APLF: variants seen among roughly 807,000 people sequenced by gnomAD.
APLF encodes the protein aprataxin and PNKP like factor.
APLF carries 61 observed loss-of-function variants against 55.6 expected under a neutral mutation model. That is an observed-to-expected ratio of 1.10 (90% CI 0.89 to 1.36). APLF has a LOEUF of 1.36. Ranked by LOEUF, APLF falls within the 40% of genes most tolerant of loss-of-function variation. APLF has a pLI of 0.00. For synonymous variants in APLF, 207 were observed against 214.8 expected, an observed-to-expected ratio of 0.96 and a Z score of 0.32; for missense variants, 611 against 602.5, an observed-to-expected ratio of 1.01 and a Z score of -0.15.
chr2:68,564,808 C>A (rs1373532862), intron 8 of APLF, among the ~76,000 whole-genome samples: 1 of 152,014 alleles, frequency 6.6e-6, no homozygotes. Context: ...TTGAGAGTCA[C>A]TTCATAAGAA....
At chr2:68,553,110 T>C (rs533150723) in intron 8 of APLF, among the ~76,000 whole-genome samples, 1 of 152,256 alleles carries the variant, frequency 6.6e-6, no homozygotes, top group East Asian at 1.9e-4. Flanking sequence ...AATTTCTCCA[T>C]GGCATTGCCT....
At chr2:68,484,537 A>G (rs1204204491) in intron 1 of APLF, among the ~76,000 whole-genome samples, 1 of 152,010 alleles carries the variant, frequency 6.6e-6, no homozygotes, top group Admixed American at 6.6e-5. Context: ...ACATGTAAAA[A>G]AAAAATTAGC....
At chr2:68,530,024 A>G (rs1484628840) in intron 6 of APLF, among the ~76,000 whole-genome samples, 1 of 152,130 alleles carries the variant, frequency 6.6e-6, no homozygotes, top group African/African-American at 2.4e-5. Context: ...GCAGGTTTCC[A>G]AAGAGAGGAC....
At chr2:68,489,609 T>A (rs1676292514) in intron 1 of APLF, among the ~76,000 whole-genome samples, 1 of 152,214 alleles carries the variant, frequency 6.6e-6, no homozygotes, top group Non-Finnish European at 1.5e-5. Flanking sequence ...ATTTATTTCT[T>A]ACTGAAAATG....
Position 68,534,150 on chromosome 2 carries a change from C to G in APLF, c.805-3722C>G, listed in dbSNP as rs1191621606. Among the ~76,000 whole-genome samples, 3 of 152,160 alleles carry G rather than the reference C, an allele frequency of 2.0e-5. No individual in the cohort carries two copies. In the East Asian group the frequency reaches 5.8e-4, roughly 29 times the overall value. ...GAGGGCAAGAAGGAGTAAAAAGCTTCTAAATTTCTGGCTAGCATGAATAGA... is the reference window on the plus strand; with the variant it reads ...GAGGGCAAGAAGGAGTAAAAAGCTTGTAAATTTCTGGCTAGCATGAATAGA... On this transcript the variant is annotated intron_variant, in intron 6 of 9. Coordinates refer to ENST00000303795, the MANE Select transcript of APLF (RefSeq NM_173545.3).
chr2:68,496,090 G>GT (rs1676538283), intron 2 of APLF, among the ~76,000 whole-genome samples: 3 of 151,980 alleles, frequency 2.0e-5, no homozygotes, highest in Admixed American at 1.3e-4. Flanking sequence ...ATTAGAACTT[G>GT]TTTTTTTGTT....
intron 2 of APLF, among the ~76,000 whole-genome samples, chr2:68,497,409 G>A (rs908361395): frequency 2.6e-5 from 4 of 151,846 alleles, no homozygotes; most frequent in Non-Finnish European, 4.4e-5. Context: ...GAGTTCTCAC[G>A]ACATCTGGTT....
intron 8 of APLF, among the ~76,000 whole-genome samples, chr2:68,545,985 A>G (rs539586790): frequency 2.3e-4 from 35 of 152,242 alleles, no homozygotes; most frequent in African/African-American, 6.7e-4. Context: ...TTAATTCCAG[A>G]CAGCCATCTT....
At chr2:68,491,006 T>C (rs941566221) in intron 2 of APLF, among the ~76,000 whole-genome samples, 1 of 152,214 alleles carries the variant, frequency 6.6e-6, no homozygotes, top group Non-Finnish European at 1.5e-5. Context: ...AATCATTAGT[T>C]CTTTCTTTTA....
chr2:68,576,882 G>C (rs1266492917), intron 9 of APLF, among the ~76,000 whole-genome samples: 2 of 152,132 alleles, frequency 1.3e-5, no homozygotes, highest in Non-Finnish European at 1.5e-5. Context: ...CTGCCATTCA[G>C]ATTTCTAGAT....
Position 68,577,700 on chromosome 2 carries a change from G to A in APLF, c.1334-120G>A, listed in dbSNP as rs945437710. 3 of 1,192,694 alleles carry A rather than the reference G, an allele frequency of 2.5e-6. No individual in the cohort carries two copies. In the South Asian group the frequency reaches 5.3e-5, roughly 21 times the overall value. 73.9% of individuals were successfully genotyped at this position (1,192,694 alleles called of 1,614,324 possible). ...GTGCCGTTTCCAGAAATTTGTAGTG[G>A]TAAGCTATGCATTAATAAAATTAAT... is the stretch of plus-strand genomic sequence containing the variant. On this transcript the variant is annotated intron_variant, in intron 9 of 9. Coordinates refer to ENST00000303795, the MANE Select transcript of APLF (RefSeq NM_173545.3).
rs753994581 is a variant in APLF at position 68,567,359 on chromosome 2, G to A, written c.1305G>A (p.Lys435=). The change falls in exon 9 of 10, where the codon AAG becomes AAA. Residue 435 remains lysine (K), a synonymous_variant. Coordinates refer to ENST00000303795, the MANE Select transcript of APLF (RefSeq NM_173545.3). Reference sequence around the variant, plus strand: ...CTTTCAGGAAGAATCCCCAGCACAAGATAGAATATAGACATAATACGCTTC... The same window carrying A: ...CTTTCAGGAAGAATCCCCAGCACAAAATAGAATATAGACATAATACGCTTC... The part of the protein sequence containing the change: ...PSCYRKNPQH[K]IEYRHNTLPV... 1 of 1,605,858 alleles carries A rather than the reference G, an allele frequency of 6.2e-7. No homozygotes were observed. The highest frequency in any genetic ancestry group is 8.5e-7 in the Non-Finnish European group (1 of 1,176,262).
intron 1 of APLF, among the ~76,000 whole-genome samples, chr2:68,470,832 G>A (rs1274427931): frequency 6.6e-6 from 1 of 152,142 alleles, no homozygotes; most frequent in African/African-American, 2.4e-5. Context: ...CTCAGTTGGG[G>A]GAACAGGGAA....
intron 2 of APLF, among the ~76,000 whole-genome samples, chr2:68,496,983 C>G (rs1200087996): frequency 6.6e-6 from 1 of 152,236 alleles, no homozygotes. Flanking sequence ...TCTGAAGTCA[C>G]TTCCACACTT....
rs1010639770 is a variant in APLF at position 68,545,005 on chromosome 2, G to A, written c.1161-182G>A. Among the ~76,000 whole-genome samples the A allele has an allele frequency of 2.6e-5, 4 of 152,090 alleles. No homozygotes were observed. In the South Asian group the frequency reaches 8.3e-4, roughly 31 times the overall value. On this transcript the variant is annotated intron_variant, in intron 7 of 9. Coordinates refer to ENST00000303795, the MANE Select transcript of APLF (RefSeq NM_173545.3). ...TGTGAGAGTCCTGTACTGAGTTTATGTCATCAACTTTATGTCATCAATTTA... is the reference window on the plus strand; with the variant it reads ...TGTGAGAGTCCTGTACTGAGTTTATATCATCAACTTTATGTCATCAATTTA...
chr2:68,477,125 T>A (rs1288068503), intron 1 of APLF, among the ~76,000 whole-genome samples: 1 of 151,750 alleles, frequency 6.6e-6, no homozygotes, highest in Non-Finnish European at 1.5e-5. Flanking sequence ...AAACACAGAG[T>A]GTACATAGTG....
chr2:68,536,495 T>TA (rs1229376447), intron 6 of APLF, among the ~76,000 whole-genome samples: 1 of 152,182 alleles, frequency 6.6e-6, no homozygotes, highest in Non-Finnish European at 1.5e-5. Context: ...GGTATGTTGT[T>TA]ATCACATCCT....
chr2:68,568,925 A>G (rs1456725872), intron 9 of APLF, among the ~76,000 whole-genome samples: 1 of 152,118 alleles, frequency 6.6e-6, no homozygotes, highest in Non-Finnish European at 1.5e-5. Context: ...CTATGTGGCA[A>G]TATAGTCAGA....
intron 8 of APLF, among the ~76,000 whole-genome samples, chr2:68,551,044 A>G (rs1670845931): frequency 6.6e-6 from 1 of 152,088 alleles, no homozygotes; most frequent in African/African-American, 2.4e-5. Flanking sequence ...AAGATCTACT[A>G]AAAAGAAATT....
Sources: gnomAD v4.1 joint callset for allele counts (sites outside exome capture counted in the v4.1 genomes callset) on GRCh38, gnomAD v4.1.1 for gene constraint, MANE v1.5 for transcripts, NCBI Gene and HGNC (gene_info 2026-07-23, HGNC 2026-07-21) for gene names.